Variants in PARN observed in about 807,000 individuals in gnomAD.
PARN encodes the protein poly(A)-specific ribonuclease, also known as poly(A)-specific ribonuclease PARN.
In PARN, 71 loss-of-function variants were observed where a neutral mutation model predicts 102.8. The ratio of observed to expected loss-of-function variants is 0.69; its 90% CI spans 0.57 to 0.84. The LOEUF (loss-of-function observed/expected upper bound fraction) is 0.84. Among genes scored for constraint, PARN ranks in the 40% least tolerant of loss-of-function variants. The probability of loss-of-function intolerance (pLI) is 0.00; values close to 1 mark genes in which losing one functional copy is unlikely to be tolerated. For missense variants in PARN, 782 were observed against 760.9 expected, an observed-to-expected ratio of 1.03 and a Z score of -0.33; for synonymous variants, 261 against 252.9, an observed-to-expected ratio of 1.03 and a Z score of -0.30.
chr16:14,482,574 G>A (rs893242563), intron 22 of PARN, 64 bp downstream of exon 22: 2 of 1,285,614 alleles, frequency 1.6e-6, no homozygotes. Flanking sequence ...AAACCTATGA[G>A]AAGCAACAAG....
chr16:14,540,571 TC>T (rs1398483038), intron 21 of PARN, among the ~76,000 whole-genome samples: 25 of 152,198 alleles, frequency 1.6e-4, no homozygotes, highest in South Asian at 4.1e-4. Context: ...CATTAGATTT[TC>T]TGAAAATGTT....
At chr16:14,609,020 C>CA (rs752113485) in intron 8 of PARN, 38 bp downstream of exon 8, 18 of 1,258,982 alleles carry the variant, frequency 1.4e-5, no homozygotes, top group African/African-American at 3.0e-5. Context: ...TCTACCTTTC[C>CA]AAAAAAAGGA....
chr16:14,513,421 G>A (rs190268939), intron 21 of PARN, among the ~76,000 whole-genome samples: 25 of 152,206 alleles, frequency 1.6e-4, no homozygotes, highest in African/African-American at 5.3e-4. Context: ...TTAGCGTTTC[G>A]TGCTGGGAGT....
At chr16:14,484,914 A>G (rs1290075981) in intron 21 of PARN, among the ~76,000 whole-genome samples, 1 of 152,204 alleles carries the variant, frequency 6.6e-6, no homozygotes. Flanking sequence ...AAAAGAAAAA[A>G]AAAACCCTCA....
intron 14 of PARN, among the ~76,000 whole-genome samples, chr16:14,585,980 CTTTTTTTT>C (rs772896503): frequency 7.9e-6 from 1 of 127,240 alleles, no homozygotes; most frequent in Non-Finnish European, 1.7e-5. Context: ...CACAATGACT[CTTTTTTTT>C]TTTTTTTTTT....
At chr16:14,569,226 TAAA>T (rs796386573) in intron 18 of PARN, among the ~76,000 whole-genome samples, 2 of 140,022 alleles carry the variant, frequency 1.4e-5, no homozygotes, top group South Asian at 4.5e-4. Context: ...TATACAAATT[TAAA>T]AAAAAAAAAG....
rs1567402768 is a variant in PARN, at chr16:14,574,775, G to GT, written c.1262+6098dup. 3.3e-5 allele frequency among the ~76,000 whole-genome samples: 5 copies of GT among 152,264 alleles called. 1 individual carries two copies. Among genetic ancestry groups the GT allele is most frequent in the South Asian group, 4.1e-4 (2 of 4,824 alleles). The stretch of plus-strand genomic sequence containing the variant: ...AATTAAGCTGGCTGCAGAAATTTGC[G>GT]TAAGTAATGAGGAGCCAAAGACAAT... On this transcript the variant is annotated intron_variant, in intron 18 of 23. Transcript: ENST00000437198.
At chr16:14,580,260 G>A (rs571882584) in intron 18 of PARN, among the ~76,000 whole-genome samples, 12 of 151,046 alleles carry the variant, frequency 7.9e-5, no homozygotes, top group Middle Eastern at 3.5e-3. Context: ...GTGAGCCACC[G>A]CGCCTGGCCA....
At position 14,630,236 on chromosome 16, in the gene PARN, G is replaced by T; in HGVS notation, c.-111C>A. Reference sequence around the variant, plus strand: ...CAGTAGCTGAGGCAGCCGCAGCGGTGACGCCGGCCGCGACTTCCGGAAACA... The same window carrying T: ...CAGTAGCTGAGGCAGCCGCAGCGGTTACGCCGGCCGCGACTTCCGGAAACA... On this transcript the variant is annotated 5_prime_UTR_variant, in exon 1 of 24. Coordinates refer to ENST00000437198, the MANE Select transcript of PARN (RefSeq NM_002582.4). 1.1e-6 allele frequency: 1 copy of T among 951,324 alleles called. No individual in the cohort carries two copies. Among genetic ancestry groups the T allele is most frequent in the Non-Finnish European group, 1.6e-6 (1 of 638,776 alleles). 58.9% of individuals were successfully genotyped at this position (951,324 alleles called of 1,614,324 possible). A position where few individuals can be genotyped will look rare whatever the true frequency, so the allele number is the denominator to read the frequency against.
chr16:14,582,103 ACAGCAGC>A, intron 17 of PARN, 71 bp downstream of exon 17: 1 of 869,350 alleles, frequency 1.2e-6, no homozygotes, highest in Non-Finnish European at 2.0e-6. Context: ...GTAATTTATT[ACAGCAGC>A]CTAAGCCAGG....
chr16:14,555,769 C>T lies in PARN; in HGVS notation c.1263-60G>A, dbSNP rs16963773. 31,367 of 838,862 alleles carry T rather than the reference C, an allele frequency of 0.037. 700 individuals are homozygous for T. Among genetic ancestry groups the T allele is most frequent in the African/African-American group, 0.051 (2,858 of 55,864 alleles). 52.0% of individuals were successfully genotyped at this position (838,862 alleles called of 1,614,324 possible). A position where few individuals can be genotyped will look rare whatever the true frequency, so the allele number is the denominator to read the frequency against. ...TTTCCTTTAAAAGACAGGCATTTTG[C>T]ATTTTTAAGGTTGAATTAGAAAAAA... is the stretch of plus-strand genomic sequence containing the variant. On this transcript the variant is annotated intron_variant, in intron 18 of 23. Transcript: ENST00000437198.
At chr16:14,460,951 C>T (rs964137990) in intron 22 of PARN, among the ~76,000 whole-genome samples, 14 of 152,230 alleles carry the variant, frequency 9.2e-5, no homozygotes, top group Non-Finnish European at 1.5e-4. Context: ...ATCTGGCAAA[C>T]ACCACCTCAA....
chr16:14,520,602 G>A (rs747716484), intron 21 of PARN, among the ~76,000 whole-genome samples: 1 of 152,066 alleles, frequency 6.6e-6, no homozygotes, highest in African/African-American at 2.4e-5. Context: ...GGGAGGCTGA[G>A]GCAGGAGAAC....
At chr16:14,591,155 C>G (rs1970171929) in intron 13 of PARN, among the ~76,000 whole-genome samples, 2 of 151,950 alleles carry the variant, frequency 1.3e-5, no homozygotes, top group African/African-American at 4.8e-5. Context: ...CTCTGGGAGG[C>G]CAAGGCAGGC....
In PARN at chr16:14,629,515, TAAG is replaced by T. The variant is rs955153458; in HGVS notation, c.97+79_97+81del. The T allele has an allele frequency of 8.9e-6, 9 of 1,013,358 alleles. No homozygotes were observed. In the African/African-American group the frequency reaches 1.3e-4, roughly 14 times the overall value. The allele number at this position is 1,013,358 out of a possible 1,614,324, so 62.8% of individuals were successfully genotyped here. A position where few individuals can be genotyped will look rare whatever the true frequency, so the allele number is the denominator to read the frequency against. The stretch of plus-strand genomic sequence containing the variant: ...AACAGCAAGAGGCCACCACCAAGCA[TAAG>T]AAGTTGGGGGCTGGGGGATTGAAGG... On this transcript the variant is annotated intron_variant, in intron 2 of 23. Transcript: ENST00000437198.
intron 2 of PARN, among the ~76,000 whole-genome samples, chr16:14,628,952 C>CT (rs1972851102): frequency 6.6e-6 from 1 of 152,124 alleles, no homozygotes; most frequent in South Asian, 2.1e-4. Flanking sequence ...GTATACACAC[C>CT]TGTTGAGGCA....
intron 21 of PARN, among the ~76,000 whole-genome samples, chr16:14,515,297 G>A (rs750902954): frequency 1.3e-5 from 2 of 152,046 alleles, no homozygotes; most frequent in African/African-American, 2.4e-5. Context: ...TTAAACAGAT[G>A]TCCCGAATAT....
chr16:14,510,149 G>A (rs1018889598), intron 21 of PARN, among the ~76,000 whole-genome samples: 1 of 152,190 alleles, frequency 6.6e-6, no homozygotes, highest in Non-Finnish European at 1.5e-5. Flanking sequence ...TGCAGCCCGA[G>A]ACTCTCCTCA....
Position 14,626,713 on chromosome 16 carries a change from G to A in PARN, c.327+393C>T, listed in dbSNP as rs534409807. Reference sequence around the variant, plus strand: ...TGCAACCTCCACCTCCCAGGTTCACGCCATTCTCCTGCCTCAGCCTCCCTA... The same window carrying A: ...TGCAACCTCCACCTCCCAGGTTCACACCATTCTCCTGCCTCAGCCTCCCTA... On this transcript the variant is annotated intron_variant, in intron 5 of 23. Transcript: ENST00000437198. Among the ~76,000 whole-genome samples, 11 of 151,282 alleles carry A rather than the reference G, an allele frequency of 7.3e-5. No individual in the cohort carries two copies. In the South Asian group the frequency reaches 1.0e-3, roughly 14 times the overall value.
Sources: allele counts gnomAD v4.1 joint callset (sites outside exome capture counted in the v4.1 genomes callset), GRCh38; gene constraint gnomAD v4.1.1; transcripts MANE v1.5; gene names NCBI Gene and HGNC (gene_info 2026-07-23, HGNC 2026-07-21).